Variants in TMEM63C observed in about 807,000 individuals in gnomAD.
The protein encoded by TMEM63C is osmosensitive cation channel TMEM63C.
In TMEM63C, 32 loss-of-function variants were observed where a neutral mutation model predicts 99.2. The observed-to-expected ratio is 0.32, with a 90% CI of 0.24 to 0.43. The LOEUF is 0.43. TMEM63C is among the 20% of genes least tolerant of loss of function. TMEM63C has a pLI of 1.00. For missense variants in TMEM63C, 826 were observed against 1,053.0 expected (o/e 0.78, Z 2.98); for synonymous variants, 376 against 397.9 (o/e 0.94, Z 0.66).
chr14:77,249,164 A>G (rs1201851053), intron 20 of TMEM63C, 127 bp from the exon 21 acceptor site: 37 of 1,028,452 alleles, frequency 3.6e-5, no homozygotes, highest in Non-Finnish European at 5.3e-5. Flanking sequence ...GAGCTCCCCC[A>G]ACCCATCCTT....
At chr14:77,247,240 G>A (rs918610508) in intron 18 of TMEM63C, among the ~76,000 whole-genome samples, 37 of 151,326 alleles carry the variant, frequency 2.4e-4, no homozygotes, top group Admixed American at 2.0e-3. Flanking sequence ...TCATTCTGTC[G>A]CCCAGGCTGG....
chr14:77,252,991 A>G (rs1179671913), intron 22 of TMEM63C, among the ~76,000 whole-genome samples: 1 of 152,256 alleles, frequency 6.6e-6, no homozygotes, highest in Non-Finnish European at 1.5e-5. Context: ...ACAGGAGGAA[A>G]GACGACAGTG....
chr14:77,199,036 T>C (rs1189096889), intron 1 of TMEM63C, among the ~76,000 whole-genome samples: 1 of 152,064 alleles, frequency 6.6e-6, no homozygotes, highest in African/African-American at 2.4e-5. Flanking sequence ...CAGCATATTA[T>C]GGATGATGTA....
Position 77,256,576 on chromosome 14 carries a change from C to T in TMEM63C, c.2271C>T (p.Ala757=). The stretch of plus-strand genomic sequence containing the variant: ...AACCGGAGTTGAATCTGACCCCCGC[C>T]TCCTCCCCAGCCAGGCACACCTATG... ...LQEPELNLTP[A]SSPARHTYGT... is the part of the protein sequence containing the mutation. Residue 757 remains alanine (A), a synonymous_variant, in exon 24 of 24, where the codon GCC becomes GCT. Transcript: ENST00000298351. 1 of 1,614,022 alleles carries T rather than the reference C, an allele frequency of 6.2e-7. No individual in the cohort carries two copies. The highest frequency in any genetic ancestry group is 8.5e-7 in the Non-Finnish European group (1 of 1,179,892).
At chr14:77,240,947 CTT>C (rs533958957) in intron 13 of TMEM63C, among the ~76,000 whole-genome samples, 26,468 of 66,940 alleles carry the variant, frequency 0.4, 2,619 homozygotes, top group African/African-American at 0.53. Flanking sequence ...TTTTTTTTTT[CTT>C]TTTTTTTTTT....
rs1336643977 is a variant in TMEM63C, at chr14:77,256,787, G to A, written c.*61G>A. On this transcript the variant is annotated 3_prime_UTR_variant, in exon 24 of 24. Transcript: ENST00000298351. ...GGGTCAGGGGAGGGCCTGGCAAGGG[G>A]AGGCAGGAGGGTGGCCTGGACCTCC... The A allele has an allele frequency of 1.3e-6, 2 of 1,546,550 alleles. No individual in the cohort carries two copies. The highest frequency in any genetic ancestry group is 2.3e-5 in the East Asian group (1 of 44,226).
Position 77,216,127 on chromosome 14 carries a change from G to GGAGA in TMEM63C, c.-14+2635_-14+2638dup, listed in dbSNP as rs34226160. ...AGGAAGGAAGGAAGGAAGGAGGGAG[G>GGAGA]GAGAGAGAGAGAGAGAGAGCAACCA... is the stretch of plus-strand genomic sequence containing the variant. On this transcript the variant is annotated intron_variant, in intron 2 of 23. Transcript: ENST00000298351. 1.2e-3 allele frequency among the ~76,000 whole-genome samples: 175 copies of GGAGA among 148,902 alleles called. 2 individuals are homozygous for GGAGA. The highest frequency in any genetic ancestry group is 4.8e-3 in the Admixed American group (72 of 14,896).
intron 1 of TMEM63C, among the ~76,000 whole-genome samples, chr14:77,208,242 A>G (rs2140101427): frequency 6.6e-6 from 1 of 152,330 alleles, no homozygotes; most frequent in Admixed American, 6.5e-5. Flanking sequence ...GGTCTTCAGA[A>G]CAGAGCAGAA....
chr14:77,240,677 C>A lies in TMEM63C; in HGVS notation c.1064+69C>A, dbSNP rs1265865922. The A allele has an allele frequency of 5.1e-6, 8 of 1,561,344 alleles. No individual in the cohort carries two copies. The Admixed American group carries it at 7.0e-5, about 14-fold the overall frequency. On this transcript the variant is annotated intron_variant, in intron 13 of 23. Transcript: ENST00000298351. ...TGCTTCTCGGCACTCTCCTCCCTCT[C>A]CACCTCCAGTTTCCCCTTCTGCCTC...
rs147986322 is a variant in TMEM63C at position 77,252,412 on chromosome 14, T to C, written c.2148+514T>C. Among the ~76,000 whole-genome samples the C allele has an allele frequency of 2.8e-3, 423 of 152,314 alleles. 3 individuals are homozygous for C. Among genetic ancestry groups the C allele is most frequent in the African/African-American group, 9.8e-3 (407 of 41,572 alleles). ...TTGGTTGTTGGCAGTGGGCCCAGCC[T>C]AATCATTAGGAGAGGGGAGCCAATC... On this transcript the variant is annotated intron_variant, in intron 22 of 23. Transcript: ENST00000298351.
rs998509620 is a variant in TMEM63C at position 77,214,405 on chromosome 14, G to A, written c.-14+897G>A. Reference sequence around the variant, plus strand: ...TCCCCAGAAGCATCCCCAGCTCCTCGGTCTCCTCACCCTCCGACTGGGAGA... The same window carrying A: ...TCCCCAGAAGCATCCCCAGCTCCTCAGTCTCCTCACCCTCCGACTGGGAGA... On this transcript the variant is annotated intron_variant, in intron 2 of 23. Coordinates refer to ENST00000298351, the MANE Select transcript of TMEM63C (RefSeq NM_020431.4). 3.3e-5 allele frequency among the ~76,000 whole-genome samples: 5 copies of A among 151,912 alleles called. No individual in the cohort carries two copies. In the South Asian group the frequency reaches 6.2e-4, roughly 19 times the overall value.
chr14:77,241,795 A>T (rs1471682733), intron 13 of TMEM63C, among the ~76,000 whole-genome samples: 2 of 152,204 alleles, frequency 1.3e-5, no homozygotes, highest in Non-Finnish European at 2.9e-5. Flanking sequence ...AGACATTGCC[A>T]TTTGGTAGAG....
intron 2 of TMEM63C, among the ~76,000 whole-genome samples, chr14:77,214,649 C>T (rs1049781013): frequency 6.6e-6 from 1 of 151,808 alleles, no homozygotes. Context: ...TCCCCCAGGC[C>T]ACTCTCCCCT....
chr14:77,222,973 C>T (rs966466474), intron 5 of TMEM63C, among the ~76,000 whole-genome samples: 5 of 152,206 alleles, frequency 3.3e-5, no homozygotes, highest in Non-Finnish European at 7.3e-5. Context: ...CTGCCATGTA[C>T]TTAGCATCTG....
chr14:77,228,622 C>A (rs1269432786), intron 6 of TMEM63C, among the ~76,000 whole-genome samples: 1 of 151,622 alleles, frequency 6.6e-6, no homozygotes, highest in Admixed American at 6.6e-5. Context: ...CTGCAACCTC[C>A]GCCTCCCACG....
chr14:77,191,538 C>CTTTTTTTTTTTTTT lies in TMEM63C; in HGVS notation c.-77+9654_-77+9667dup, dbSNP rs71125542. Among the ~76,000 whole-genome samples the CTTTTTTTTTTTTTT allele has an allele frequency of 5.5e-3, 450 of 82,542 alleles. 1 individual carries two copies. Among genetic ancestry groups the CTTTTTTTTTTTTTT allele is most frequent in the Non-Finnish European group, 6.6e-3 (310 of 46,780 alleles). The allele number at this position is 82,542 out of a possible 152,430, so 54.2% of individuals were successfully genotyped here. ...TTTCTTTCTTTTCTTTTTTCTTTTT[C>CTTTTTTTTTTTTTT]TTTTTTTTTTTTTTTTTTTTTTTGA... is the stretch of plus-strand genomic sequence containing the variant. On this transcript the variant is annotated intron_variant, in intron 1 of 23. Transcript: ENST00000298351.
chr14:77,252,012 T>C, intron 22 of TMEM63C, 114 bp downstream of exon 22: 1 of 881,356 alleles, frequency 1.1e-6, no homozygotes, highest in Non-Finnish European at 1.9e-6. Flanking sequence ...GGGTCTCGCC[T>C]TTGTCTCTGA....
chr14:77,249,216 C>A, intron 20 of TMEM63C, 75 bp from the exon 21 acceptor site: 1 of 1,492,108 alleles, frequency 6.7e-7, no homozygotes, highest in Non-Finnish European at 9.3e-7. Context: ...GCTTCTCAGG[C>A]CTGTGGAGAC....
intron 21 of TMEM63C, among the ~76,000 whole-genome samples, chr14:77,250,880 G>GA (rs1262311684): frequency 3.9e-5 from 6 of 152,054 alleles, no homozygotes; most frequent in Non-Finnish European, 7.4e-5. Context: ...ATCAAAAATA[G>GA]AAAAAATATA....
Sources: allele counts gnomAD v4.1 joint callset (sites outside exome capture counted in the v4.1 genomes callset), GRCh38; gene constraint gnomAD v4.1.1; transcripts MANE v1.5; gene names NCBI Gene and HGNC (gene_info 2026-07-23, HGNC 2026-07-21).